CPA6: variants seen among roughly 807,000 people sequenced by gnomAD.
The protein encoded by CPA6 is carboxypeptidase A6.
A neutral mutation model predicts 63.3 loss-of-function variants in CPA6; 58 were observed. The ratio of observed to expected loss-of-function variants is 0.92; its 90% CI spans 0.74 to 1.14. The LOEUF (loss-of-function observed/expected upper bound fraction) is 1.14. Ranked by LOEUF, CPA6 falls within the 50% of genes most tolerant of loss-of-function variation. The pLI is 0.00. For missense variants in CPA6, 565 were observed against 526.6 expected (o/e 1.07, Z -0.71); for synonymous variants, 185 against 179.0 (o/e 1.03, Z -0.27).
At chr8:67,503,799 A>G (rs1192925309) in intron 6 of CPA6, among the ~76,000 whole-genome samples, 3 of 152,026 alleles carry the variant, frequency 2.0e-5, no homozygotes, top group African/African-American at 7.3e-5. Context: ...GGTTTGTTAC[A>G]TAGGTTTACA....
intron 1 of CPA6, among the ~76,000 whole-genome samples, chr8:67,744,739 C>T (rs1354891426): frequency 4.6e-5 from 7 of 152,136 alleles, no homozygotes; most frequent in East Asian, 1.9e-4. Flanking sequence ...CACAAATTAT[C>T]GGAGGTAAAG....
intron 1 of CPA6, among the ~76,000 whole-genome samples, chr8:67,716,151 C>CAAAAAAAAAAAAAAAAAAAAAAAA (rs56275918): frequency 3.7e-4 from 28 of 76,548 alleles, no homozygotes; most frequent in African/African-American, 1.7e-3. Context: ...GAGCTTGTCT[C>CAAAAAAAAAAAAAAAAAAAAAAAA]AAAAAAAAAA....
intron 1 of CPA6, among the ~76,000 whole-genome samples, chr8:67,651,479 T>C (rs1425901041): frequency 6.6e-6 from 1 of 152,110 alleles, no homozygotes; most frequent in African/African-American, 2.4e-5. Context: ...ATGCTCAATA[T>C]TTTATTTGTA....
At chr8:67,690,292 T>C (rs992717053) in intron 1 of CPA6, among the ~76,000 whole-genome samples, 2 of 152,214 alleles carry the variant, frequency 1.3e-5, no homozygotes, top group African/African-American at 2.4e-5. Flanking sequence ...ATTTTTGATA[T>C]ATCAGAGGTT....
chr8:67,514,584 T>C (rs1166869244), intron 3 of CPA6, among the ~76,000 whole-genome samples: 4 of 152,216 alleles, frequency 2.6e-5, no homozygotes, highest in African/African-American at 9.6e-5. Flanking sequence ...TAAATGACTG[T>C]TCTCCAGTGA....
intron 2 of CPA6, among the ~76,000 whole-genome samples, chr8:67,609,126 A>G (rs1355528775): frequency 6.6e-6 from 1 of 152,196 alleles, no homozygotes; most frequent in African/African-American, 2.4e-5. Context: ...TGAGGCTTGT[A>G]GTCTAAATGT....
At chr8:67,424,464 CCT>C in intron 10 of CPA6, among the ~76,000 whole-genome samples, 1 of 152,182 alleles carries the variant, frequency 6.6e-6, no homozygotes, top group South Asian at 2.1e-4. Context: ...AGAAATGCTC[CCT>C]GTCTTTTACA....
chr8:67,448,664 G>GAAAAAAAAAAAAAAAA (rs1810487222), intron 8 of CPA6, among the ~76,000 whole-genome samples: 3 of 66,464 alleles, frequency 4.5e-5, no homozygotes, highest in African/African-American at 8.4e-5. Context: ...AGGAAAGAAC[G>GAAAAAAAAAAAAAAAA]AAAAAGAAAA....
At chr8:67,697,106 C>T (rs2128998111) in intron 1 of CPA6, among the ~76,000 whole-genome samples, 1 of 152,316 alleles carries the variant, frequency 6.6e-6, no homozygotes, top group East Asian at 1.9e-4. Context: ...TAAGGTTAAG[C>T]AGACAGCCAC....
intron 1 of CPA6, among the ~76,000 whole-genome samples, chr8:67,679,883 C>G (rs1816556728): frequency 6.6e-6 from 1 of 152,180 alleles, no homozygotes; most frequent in South Asian, 2.1e-4. Flanking sequence ...CATGTTGTTA[C>G]CTGGCTACAA....
chr8:67,484,736 T>C lies in CPA6; in HGVS notation c.690A>G (p.Leu230=), dbSNP rs199565101. The part of the protein sequence containing the change: ...DPAMRKMLNH[L]YFYIMPVFNV... Reference sequence around the variant, plus strand: ...TAAACACAGGCATGATATAGAAATATAGATGATTCAACATTTTTCTCATGG... The same window carrying C: ...TAAACACAGGCATGATATAGAAATACAGATGATTCAACATTTTTCTCATGG... The change falls in exon 7 of 11, where the codon CTA becomes CTG. Residue 230 remains leucine, a synonymous_variant. Coordinates refer to ENST00000297770, the MANE Select transcript of CPA6 (RefSeq NM_020361.5). The C allele has an allele frequency of 3.2e-5, 52 of 1,611,318 alleles. No individual in the cohort carries two copies. In the East Asian group the frequency reaches 5.8e-4, roughly 18 times the overall value.
chr8:67,713,463 A>G (rs933268136), intron 1 of CPA6, among the ~76,000 whole-genome samples: 2 of 152,008 alleles, frequency 1.3e-5, no homozygotes, highest in Non-Finnish European at 2.9e-5. Flanking sequence ...TTCGGGTTTT[A>G]CCATTGGCCC....
intron 5 of CPA6, among the ~76,000 whole-genome samples, chr8:67,507,937 A>G (rs1416167801): frequency 2.0e-5 from 3 of 151,666 alleles, no homozygotes; most frequent in Non-Finnish European, 4.4e-5. Context: ...TAAAGCTCAA[A>G]GTGGATTCCC....
chr8:67,742,447 CAA>C (rs1817931124), intron 1 of CPA6, among the ~76,000 whole-genome samples: 1 of 152,188 alleles, frequency 6.6e-6, no homozygotes, highest in Admixed American at 6.5e-5. Flanking sequence ...GTGAGAATCT[CAA>C]GTGTGTCCTT....
intron 8 of CPA6, among the ~76,000 whole-genome samples, chr8:67,441,559 G>A (rs1810294869): frequency 6.6e-6 from 1 of 152,092 alleles, no homozygotes; most frequent in South Asian, 2.1e-4. Context: ...GCAGAGAAGG[G>A]CTTATCCTAC....
intron 4 of CPA6, among the ~76,000 whole-genome samples, chr8:67,510,406 ATGTGTGTG>A (rs71554609): frequency 3.3e-5 from 5 of 150,276 alleles, no homozygotes; most frequent in Non-Finnish European, 7.4e-5. Context: ...AGCAGGATAT[ATGTGTGTG>A]TGTGTGTGTG....
chr8:67,665,400 T>A (rs1023655496), intron 1 of CPA6, among the ~76,000 whole-genome samples: 1 of 152,176 alleles, frequency 6.6e-6, no homozygotes, highest in East Asian at 1.9e-4. Context: ...TCCAACAGAA[T>A]GGGAAAATGG....
At chr8:67,660,322 GTTTTTTTTTTTTTTT>G in intron 1 of CPA6, among the ~76,000 whole-genome samples, 1 of 73,908 alleles carries the variant, frequency 1.4e-5, no homozygotes, top group Admixed American at 1.9e-4. Context: ...ATTATTGCAG[GTTTTTTTTTTTTTTT>G]TTTTTTTTTT....
At chr8:67,618,138 T>C (rs758713359) in intron 2 of CPA6, among the ~76,000 whole-genome samples, 1 of 152,206 alleles carries the variant, frequency 6.6e-6, no homozygotes, top group African/African-American at 2.4e-5. Context: ...AAGATGTGTG[T>C]GCACCAGGGC....
Sources: gnomAD v4.1 joint callset for allele counts (sites outside exome capture counted in the v4.1 genomes callset) on GRCh38, gnomAD v4.1.1 for gene constraint, MANE v1.5 for transcripts, NCBI Gene and HGNC (gene_info 2026-07-23, HGNC 2026-07-21) for gene names.